ZFAND1: variants seen among roughly 807,000 people sequenced by gnomAD.
ZFAND1 encodes AN1-type zinc finger protein 1.
In ZFAND1, 40 loss-of-function variants were observed where a neutral mutation model predicts 38.5. The observed-to-expected ratio is 1.04, with a 90% CI of 0.81 to 1.35. The LOEUF (loss-of-function observed/expected upper bound fraction) is 1.35. Among genes scored for constraint, ZFAND1 ranks in the 40% most tolerant of loss-of-function variants. The pLI, the probability that ZFAND1 is intolerant of heterozygous loss-of-function variation, is 0.00. For synonymous variants in ZFAND1, 117 were observed against 103.6 expected (o/e 1.13, Z -0.78); for missense variants, 346 against 316.3 (o/e 1.09, Z -0.71).
chr8:81,705,503 C>A (rs1807950513), intron 6 of ZFAND1, among the ~76,000 whole-genome samples: 1 of 152,156 alleles, frequency 6.6e-6, no homozygotes, highest in East Asian at 1.9e-4. Flanking sequence ...AAAATAGTTT[C>A]TGGAGTAAAA....
chr8:81,718,190 T>G lies in ZFAND1; in HGVS notation c.90A>C (p.Gly30=). The change falls in exon 2 of 8, where the codon GGA becomes GGC. Residue 30 remains glycine (G), a synonymous_variant. Coordinates refer to ENST00000220669, the MANE Select transcript of ZFAND1 (RefSeq NM_024699.3). ...ATAAAAACTTAACTTACCAAAATAT[T>G]CCTGAACAATCATCACACACAAATG... ...FLPFVCDDCS[G]IFCLEHRSRE... The G allele has an allele frequency of 6.3e-7, 1 of 1,578,976 alleles. No homozygotes were observed. The highest frequency in any genetic ancestry group is 1.2e-5 in the South Asian group (1 of 85,476).
Position 81,707,417 on chromosome 8 carries a change from T to G in ZFAND1, c.481-4293A>C, listed in dbSNP as rs948035129. 2.0e-5 allele frequency among the ~76,000 whole-genome samples: 3 copies of G among 152,368 alleles called. No homozygotes were observed. In the East Asian group the frequency reaches 5.8e-4, roughly 29 times the overall value. On this transcript the variant is annotated intron_variant, in intron 6 of 7. Transcript: ENST00000220669. ...GCCACATTTCTGTCTAAGACTATGC[T>G]GTGCTATCTGTTGCTTTTTATAATC...
intron 6 of ZFAND1, among the ~76,000 whole-genome samples, chr8:81,706,379 AAAAAAAAAAAAAAAAG>A (rs1807984657): frequency 6.7e-6 from 1 of 148,364 alleles, no homozygotes; most frequent in Non-Finnish European, 1.5e-5. Flanking sequence ...ACAAAAAAAA[AAAAAAAAAAAAAAAAG>A]AAGTGTTGGT....
intron 3 of ZFAND1, among the ~76,000 whole-genome samples, chr8:81,716,851 C>T (rs1171714193): frequency 6.6e-6 from 1 of 151,914 alleles, no homozygotes; most frequent in Middle Eastern, 3.2e-3. Context: ...GGAGGCTGAG[C>T]CAGGAGAATC....
chr8:81,705,386 T>G (rs1807947617), intron 6 of ZFAND1, among the ~76,000 whole-genome samples: 2 of 152,200 alleles, frequency 1.3e-5, no homozygotes, highest in South Asian at 4.1e-4. Flanking sequence ...AAAAAGGTAG[T>G]TAGGATGCAC....
At chr8:81,705,378 A>G (rs1424963970) in intron 6 of ZFAND1, among the ~76,000 whole-genome samples, 1 of 152,238 alleles carries the variant, frequency 6.6e-6, no homozygotes, top group Non-Finnish European at 1.5e-5. Context: ...GACATTTAAA[A>G]AAGGTAGTTA....
At chr8:81,720,597 C>A (rs1015462729) in intron 1 of ZFAND1, among the ~76,000 whole-genome samples, 3 of 152,128 alleles carry the variant, frequency 2.0e-5, no homozygotes, top group African/African-American at 4.8e-5. Flanking sequence ...CACACATCCA[C>A]GTGAACACTA....
intron 6 of ZFAND1, among the ~76,000 whole-genome samples, chr8:81,705,730 C>A (rs975328466): frequency 2.0e-5 from 3 of 152,138 alleles, no homozygotes; most frequent in Non-Finnish European, 4.4e-5. Context: ...AGGCCAGCCT[C>A]GCCAACATGG....
At chr8:81,718,910 T>C (rs1265103568) in intron 1 of ZFAND1, among the ~76,000 whole-genome samples, 1 of 151,824 alleles carries the variant, frequency 6.6e-6, no homozygotes, top group African/African-American at 2.4e-5. Flanking sequence ...AGCTCTTTTA[T>C]TGGGTAAGAA....
At chr8:81,718,934 T>A (rs1364788188) in intron 1 of ZFAND1, among the ~76,000 whole-genome samples, 1 of 151,824 alleles carries the variant, frequency 6.6e-6, no homozygotes, top group Non-Finnish European at 1.5e-5. Context: ...TAGAAAGATA[T>A]AGACAGGTAG....
intron 3 of ZFAND1, among the ~76,000 whole-genome samples, chr8:81,716,982 T>C (rs950576302): frequency 1.3e-5 from 2 of 151,950 alleles, no homozygotes; most frequent in African/African-American, 2.4e-5. Context: ...AATAAATAAA[T>C]ATATAGCCTT....
Position 81,702,526 on chromosome 8 carries a change from A to G in ZFAND1, c.*169T>C. 1.9e-6 allele frequency: 1 copy of G among 528,398 alleles called. No individual in the cohort carries two copies. Among genetic ancestry groups the G allele is most frequent in the South Asian group, 4.5e-5 (1 of 22,288 alleles). 32.7% of individuals were successfully genotyped at this position (528,398 alleles called of 1,614,324 possible). A position where few individuals can be genotyped will look rare whatever the true frequency, so the allele number is the denominator to read the frequency against. ...TGAGGATCCGTACACAATTAAACTT[A>G]AAACCAAAAAACTCTAATAGAAAAC... On this transcript the variant is annotated 3_prime_UTR_variant, in exon 8 of 8. Transcript: ENST00000220669.
chr8:81,706,681 T>G (rs1025094313), intron 6 of ZFAND1, among the ~76,000 whole-genome samples: 4 of 151,970 alleles, frequency 2.6e-5, no homozygotes, highest in Non-Finnish European at 5.9e-5. Flanking sequence ...ATTTAAAAAA[T>G]TAAAGCTATT....
intron 5 of ZFAND1, chr8:81,714,352 A>G (rs1037586660): frequency 1.8e-5 from 5 of 270,992 alleles, no homozygotes; most frequent in African/African-American, 1.1e-4. Flanking sequence ...AGATTGTAAT[A>G]AAGGTACTAT....
At chr8:81,704,236 G>C (rs1483355261) in intron 6 of ZFAND1, among the ~76,000 whole-genome samples, 2 of 151,976 alleles carry the variant, frequency 1.3e-5, no homozygotes, top group African/African-American at 4.8e-5. Flanking sequence ...GTATTTTCTT[G>C]CCTAATTAAC....
At chr8:81,708,468 T>G (rs80031884) in intron 6 of ZFAND1, among the ~76,000 whole-genome samples, 4,806 of 152,180 alleles carry the variant, frequency 0.032, 101 homozygotes, top group Middle Eastern at 0.092. Flanking sequence ...ACATCTTTTA[T>G]AGTCTAGGAG....
intron 6 of ZFAND1, among the ~76,000 whole-genome samples, chr8:81,713,344 C>T (rs1173085795): frequency 3.9e-5 from 6 of 152,000 alleles, no homozygotes; most frequent in Non-Finnish European, 8.8e-5. Context: ...AGGATGGTCT[C>T]GATCTCCTGA....
Position 81,721,226 on chromosome 8 carries a change from C to T in ZFAND1, c.55+1G>A. On this transcript the variant is annotated splice_donor_variant, in intron 1 of 7. Transcript: ENST00000220669. LOFTEE classifies it high-confidence loss of function. ...ATGGGGGCTGGAAGCTCCCGGATCA[C>T]CTCGCTGCCGGCAATGCTCCACCTG... The T allele has an allele frequency of 6.5e-7, 1 of 1,548,220 alleles. No homozygotes were observed.
intron 2 of ZFAND1, 44 bp from the exon 3 acceptor site, chr8:81,717,332 A>C: frequency 7.0e-7 from 1 of 1,432,306 alleles, no homozygotes; most frequent in Non-Finnish European, 9.3e-7. Flanking sequence ...ACATACTTAA[A>C]GATAACTGCA....
Sources: gnomAD v4.1 joint callset for allele counts (sites outside exome capture counted in the v4.1 genomes callset) on GRCh38, gnomAD v4.1.1 for gene constraint, MANE v1.5 for transcripts, NCBI Gene and HGNC (gene_info 2026-07-23, HGNC 2026-07-21) for gene names.